Variants in DPP10 observed in about 807,000 individuals in gnomAD.
DPP10 encodes the protein inactive dipeptidyl peptidase 10.
A neutral mutation model predicts 120.9 loss-of-function variants in DPP10; 33 were observed. That is an observed-to-expected ratio of 0.27 (90% CI 0.21 to 0.37). DPP10 has a LOEUF of 0.37. Ranked by LOEUF, DPP10 falls within the 10% of genes least tolerant of loss-of-function variation. The pLI is 1.00. For synonymous variants in DPP10, 337 were observed against 326.1 expected, an observed-to-expected ratio of 1.03 and a Z score of -0.36; for missense variants, 816 against 942.8, an observed-to-expected ratio of 0.87 and a Z score of 1.76.
intron 2 of DPP10, among the ~76,000 whole-genome samples, chr2:115,310,351 CAG>C (rs2061526928): frequency 6.6e-6 from 1 of 152,056 alleles, no homozygotes; most frequent in Non-Finnish European, 1.5e-5. Context: ...AACTGTTTTT[CAG>C]AGTCATTTAG....
chr2:114,455,035 A>G (rs1678486488), intron 1 of DPP10, among the ~76,000 whole-genome samples: 1 of 152,168 alleles, frequency 6.6e-6, no homozygotes, highest in Non-Finnish European at 1.5e-5. Context: ...ATATTCTTTC[A>G]TAGTATTAAT....
chr2:114,960,366 G>GTATATA (rs149462158), intron 1 of DPP10, among the ~76,000 whole-genome samples: 12,276 of 143,570 alleles, frequency 0.086, 578 homozygotes, highest in East Asian at 0.14. Flanking sequence ...GTGTATGTGC[G>GTATATA]TATATATATA....
chr2:114,869,318 G>C (rs183982073), intron 1 of DPP10, among the ~76,000 whole-genome samples: 1 of 152,008 alleles, frequency 6.6e-6, no homozygotes, highest in Non-Finnish European at 1.5e-5. Context: ...GGTTTATTGC[G>C]CACTGTTTGT....
At position 115,143,693 on chromosome 2, in the gene DPP10, C is replaced by T. The variant is rs369893375; in HGVS notation, c.61-165546C>T. Among the ~76,000 whole-genome samples, 71 of 152,272 alleles carry T rather than the reference C, an allele frequency of 4.7e-4. 2 individuals are homozygous for T. The South Asian group carries it at 0.014, about 31-fold the overall frequency. Reference sequence around the variant, plus strand: ...GCCATGCCTCAACAGATTTTAGTCTCCTAGACCTTAGGTCATTTGTATTAT... The same window carrying T: ...GCCATGCCTCAACAGATTTTAGTCTTCTAGACCTTAGGTCATTTGTATTAT... On this transcript the variant is annotated intron_variant, in intron 1 of 25. Coordinates refer to ENST00000410059, the MANE Select transcript of DPP10 (RefSeq NM_020868.6).
chr2:115,800,136 G>A (rs1480162732), intron 19 of DPP10, among the ~76,000 whole-genome samples: 1 of 151,524 alleles, frequency 6.6e-6, no homozygotes, highest in Non-Finnish European at 1.5e-5. Flanking sequence ...TATAACTGGT[G>A]TGAGATGGTA....
In DPP10 at chr2:115,108,738, T is replaced by C. The variant is rs181085773; in HGVS notation, c.61-200501T>C. On this transcript the variant is annotated intron_variant, in intron 1 of 25. Transcript: ENST00000410059. ...ATTTCATTCCTGTTAGCTTTAATCA[T>C]TTACCTGCTTGCAGGTCCTGAATGA... 1.4e-3 allele frequency among the ~76,000 whole-genome samples: 208 copies of C among 152,372 alleles called. 2 individuals carry two copies. Among genetic ancestry groups the C allele is most frequent in the African/African-American group, 4.7e-3 (196 of 41,598 alleles).
chr2:115,524,808 A>G (rs1209218225), intron 4 of DPP10, among the ~76,000 whole-genome samples: 3 of 152,158 alleles, frequency 2.0e-5, no homozygotes, highest in South Asian at 2.1e-4. Context: ...ATAACAAAAG[A>G]CATTTCTATC....
intron 1 of DPP10, among the ~76,000 whole-genome samples, chr2:114,662,160 G>A (rs1168136884): frequency 6.6e-6 from 1 of 152,234 alleles, no homozygotes; most frequent in South Asian, 2.1e-4. Context: ...TCCGGGGGAA[G>A]AGCGAACGGT....
intron 1 of DPP10, among the ~76,000 whole-genome samples, chr2:114,928,888 G>A (rs1695840689): frequency 6.6e-6 from 1 of 152,134 alleles, no homozygotes; most frequent in African/African-American, 2.4e-5. Flanking sequence ...GCCATGCCTG[G>A]GGCTCTTTGA....
chr2:115,338,246 C>T (rs990408501), intron 2 of DPP10, among the ~76,000 whole-genome samples: 2 of 151,912 alleles, frequency 1.3e-5, no homozygotes, highest in Non-Finnish European at 2.9e-5. Context: ...AATAAGAATT[C>T]AACGTGCTTG....
rs1360294949 is a variant in DPP10, at chr2:115,727,812, C to A, written c.577-4C>A. ...TTTTGTTTGTTTCACATTTCCTGAT[C>A]CAGATTTATATTTTTGAAAATAATA... is the stretch of plus-strand genomic sequence containing the variant. On this transcript the variant is annotated splice_region_variant and splice_polypyrimidine_tract_variant and intron_variant, in intron 7 of 25. Transcript: ENST00000410059. 1 of 1,578,588 alleles carries A rather than the reference C, an allele frequency of 6.3e-7. No homozygotes were observed. The highest frequency in any genetic ancestry group is 1.2e-5 in the South Asian group (1 of 84,144).
At chr2:115,627,987 T>C (rs909000049) in intron 5 of DPP10, among the ~76,000 whole-genome samples, 1 of 152,178 alleles carries the variant, frequency 6.6e-6, no homozygotes, top group African/African-American at 2.4e-5. Flanking sequence ...TGCACATGCA[T>C]GTATCCCAGT....
chr2:115,803,386 A>G (rs990167467), intron 19 of DPP10, among the ~76,000 whole-genome samples: 1 of 152,128 alleles, frequency 6.6e-6, no homozygotes, highest in Non-Finnish European at 1.5e-5. Flanking sequence ...TCTTTATCCA[A>G]TTTGACAGTC....
chr2:115,341,849 G>A (rs1375572755), intron 2 of DPP10, among the ~76,000 whole-genome samples: 3 of 152,034 alleles, frequency 2.0e-5, no homozygotes, highest in Non-Finnish European at 4.4e-5. Flanking sequence ...ACCTATTGAA[G>A]GACATCTTGG....
chr2:115,761,693 GA>G (rs1007327754), intron 11 of DPP10, among the ~76,000 whole-genome samples: 1 of 148,338 alleles, frequency 6.7e-6, no homozygotes, highest in African/African-American at 2.5e-5. Context: ...AAGATCTATT[GA>G]AAAAAAAAGT....
rs568699844 is a variant in DPP10 at position 115,303,706 on chromosome 2, C to T, written c.61-5533C>T. ...TATTATTGCCTAGAAAATTCTTTCT[C>T]AGACTTTATGCTCACTGGGAACAGG... On this transcript the variant is annotated intron_variant, in intron 1 of 25. Transcript: ENST00000410059. Among the ~76,000 whole-genome samples, 25 of 151,876 alleles carry T rather than the reference C, an allele frequency of 1.6e-4. No homozygotes were observed. In the South Asian group the frequency reaches 5.0e-3, roughly 30 times the overall value.
At chr2:114,944,319 A>T (rs1335676280) in intron 1 of DPP10, among the ~76,000 whole-genome samples, 2 of 152,154 alleles carry the variant, frequency 1.3e-5, no homozygotes, top group East Asian at 3.9e-4. Flanking sequence ...ATCCATTTCA[A>T]CCTTTACCAG....
intron 1 of DPP10, among the ~76,000 whole-genome samples, chr2:114,748,365 T>A (rs938823221): frequency 0.11 from 9,971 of 94,060 alleles, 627 homozygotes; most frequent in African/African-American, 0.22. Context: ...TTTTTTATTT[T>A]ATTTATTTAT....
intron 1 of DPP10, among the ~76,000 whole-genome samples, chr2:115,141,867 T>C (rs927292706): frequency 6.6e-6 from 1 of 152,094 alleles, no homozygotes; most frequent in Non-Finnish European, 1.5e-5. Flanking sequence ...TCCACCTCCC[T>C]GTTTCAAGCA....
Sources: allele counts gnomAD v4.1 joint callset (sites outside exome capture counted in the v4.1 genomes callset), GRCh38; gene constraint gnomAD v4.1.1; transcripts MANE v1.5; gene names NCBI Gene and HGNC (gene_info 2026-07-23, HGNC 2026-07-21).